SEPTIN9: variants seen among roughly 807,000 people sequenced by gnomAD.
The protein encoded by SEPTIN9 is septin-9.
In SEPTIN9, 13 loss-of-function variants were observed where a neutral mutation model predicts 56.6. The observed-to-expected ratio is 0.23, with a 90% CI of 0.15 to 0.37. SEPTIN9 has a LOEUF of 0.37. SEPTIN9 is among the 10% of genes least tolerant of loss of function. SEPTIN9 has a pLI of 1.00. For missense variants in SEPTIN9, 650 were observed against 823.1 expected (o/e 0.79, Z 2.57); for synonymous variants, 332 against 334.1 (o/e 0.99, Z 0.07).
chr17:77,293,138 T>C (rs1185250415), intron 1 of SEPTIN9, among the ~76,000 whole-genome samples: 1 of 152,048 alleles, frequency 6.6e-6, no homozygotes, highest in Non-Finnish European at 1.5e-5. Flanking sequence ...CTTCTCAGCC[T>C]CCCAAGTAGC....
At chr17:77,469,645 G>A (rs565677811) in intron 3 of SEPTIN9, 1 of 152,402 alleles carries the variant, frequency 6.6e-6, no homozygotes, top group South Asian at 2.1e-4. Flanking sequence ...CTATCTCAAG[G>A]TGTGACCAGG....
chr17:77,375,628 A>G (rs2034892797), intron 2 of SEPTIN9: 1 of 152,212 alleles, frequency 6.6e-6, no homozygotes, highest in Non-Finnish European at 1.5e-5. Flanking sequence ...CATTGAGACC[A>G]TCCTGGTGCA....
intron 1 of SEPTIN9, among the ~76,000 whole-genome samples, chr17:77,296,858 GA>G (rs944858913): frequency 6.6e-6 from 1 of 150,764 alleles, no homozygotes; most frequent in African/African-American, 2.4e-5. Context: ...ATCTCAAAAA[GA>G]AAAAAAAGAT....
chr17:77,419,381 G>A (rs569975569), intron 3 of SEPTIN9, among the ~76,000 whole-genome samples: 1 of 152,132 alleles, frequency 6.6e-6, no homozygotes, highest in Admixed American at 6.5e-5. Context: ...CAGGGACCCC[G>A]GCGCTGTACC....
intron 2 of SEPTIN9, among the ~76,000 whole-genome samples, chr17:77,382,995 C>G (rs1298097557): frequency 6.6e-6 from 1 of 152,112 alleles, no homozygotes; most frequent in Admixed American, 6.5e-5. Flanking sequence ...AACTCTTTCT[C>G]CAGCCCTGGC....
chr17:77,290,726 A>G (rs1476900332), intron 1 of SEPTIN9, among the ~76,000 whole-genome samples: 4 of 148,774 alleles, frequency 2.7e-5, no homozygotes, highest in African/African-American at 9.8e-5. Flanking sequence ...GAGGCAGGAG[A>G]ATGGCATGAA....
intron 2 of SEPTIN9, among the ~76,000 whole-genome samples, chr17:77,347,013 T>A (rs765376746): frequency 2.1e-4 from 32 of 152,126 alleles, no homozygotes; most frequent in Non-Finnish European, 4.4e-4. Flanking sequence ...AGCACTACAA[T>A]CTGTTTATAA....
chr17:77,424,547 A>AG (rs2036826862), intron 3 of SEPTIN9, among the ~76,000 whole-genome samples: 1 of 152,144 alleles, frequency 6.6e-6, no homozygotes, highest in South Asian at 2.1e-4. Flanking sequence ...GTACCCCTTG[A>AG]GGGTAGCATG....
In SEPTIN9 at chr17:77,317,693, A is replaced by AAC. The variant is rs1214735639; in HGVS notation, c.76+10497_76+10498dup. On this transcript the variant is annotated intron_variant, in intron 2 of 11. Coordinates refer to ENST00000427177, the MANE Select transcript of SEPTIN9 (RefSeq NM_001113491.2). The surrounding 1 kb of genome is among the most constrained non-coding windows in gnomAD (Gnocchi z 4.2). ...TAGAAATAAAGTGCACAATCAATAC[A>AAC]ACGTGCTTGTGGCCGGGTGCAGTGG... 1.3e-5 allele frequency among the ~76,000 whole-genome samples: 2 copies of AAC among 152,166 alleles called. No homozygotes were observed. Among genetic ancestry groups the AAC allele is most frequent in the African/African-American group, 2.4e-5 (1 of 41,424 alleles).
rs186956667 is a variant in SEPTIN9 at position 77,313,116 on chromosome 17, G to A, written c.76+5919G>A. On this transcript the variant is annotated intron_variant, in intron 2 of 11. Coordinates refer to ENST00000427177, the MANE Select transcript of SEPTIN9 (RefSeq NM_001113491.2). The surrounding 1 kb of genome is among the most constrained non-coding windows in gnomAD (Gnocchi z 4.5). ...CCCGCTCTCGGGGGAGTCTTCCGTT[G>A]GCTGCAGAGAAGCTTAAACTCAGGG... Among the ~76,000 whole-genome samples the A allele has an allele frequency of 2.6e-4, 40 of 152,328 alleles. No individual in the cohort carries two copies. The highest frequency in any genetic ancestry group is 4.3e-4 in the Non-Finnish European group (29 of 68,022).
intron 1 of SEPTIN9, among the ~76,000 whole-genome samples, chr17:77,293,146 A>G (rs1053576585): frequency 3.9e-5 from 6 of 151,910 alleles, no homozygotes; most frequent in Admixed American, 3.3e-4. Flanking sequence ...CCTCCCAAGT[A>G]GCTCGGACTA....
intron 2 of SEPTIN9, among the ~76,000 whole-genome samples, chr17:77,362,759 C>T (rs535307621): frequency 6.6e-6 from 1 of 152,238 alleles, no homozygotes; most frequent in Admixed American, 6.5e-5. Context: ...CACACTAACT[C>T]AGTAAGGCCT....
chr17:77,355,993 A>AAAAAAAAAAAAAAAAAAG (rs2034223482), intron 2 of SEPTIN9, among the ~76,000 whole-genome samples: 1 of 150,668 alleles, frequency 6.6e-6, no homozygotes, highest in Non-Finnish European at 1.5e-5. Context: ...AAAAAAAAAA[A>AAAAAAAAAAAAAAAAAAG]AAAATGAAGT....
rs1598312965 is a variant in SEPTIN9 at position 77,400,508 on chromosome 17, G to A, written c.77-1551G>A. 1 of 152,188 alleles carries A rather than the reference G, an allele frequency of 6.6e-6. No individual in the cohort carries two copies. Among genetic ancestry groups the A allele is most frequent in the East Asian group, 1.9e-4 (1 of 5,176 alleles). 9.4% of individuals were successfully genotyped at this position (152,188 alleles called of 1,614,324 possible). ...CAGGAGTGCCTTGCCCAGGAAGCTG[G>A]CAGCTGAGGCGGCCAGGGTTAGGGG... is the stretch of plus-strand genomic sequence containing the variant. On this transcript the variant is annotated intron_variant, in intron 2 of 11. Transcript: ENST00000427177. This position sits in a 1 kb window ranked among gnomAD's most constrained non-coding sequence, Gnocchi z 4.1.
At chr17:77,416,959 C>T (rs535059221) in intron 3 of SEPTIN9, among the ~76,000 whole-genome samples, 1 of 152,256 alleles carries the variant, frequency 6.6e-6, no homozygotes, top group African/African-American at 2.4e-5. Context: ...GTTTCCTCAT[C>T]TGTACAATGA....
chr17:77,440,232 G>A (rs1047295743), intron 3 of SEPTIN9, among the ~76,000 whole-genome samples: 1 of 152,034 alleles, frequency 6.6e-6, no homozygotes, highest in African/African-American at 2.4e-5. Flanking sequence ...TTGGCTCACT[G>A]CAACCTCCAC....
In SEPTIN9 at chr17:77,372,038, G is replaced by A. The variant is rs1431079700; in HGVS notation, c.77-30021G>A. ...GGGGAGGGGCAAGTGGGCAGCGAGC[G>A]ACCTCAGACCCAGGATGAGCTGTCA... is the stretch of plus-strand genomic sequence containing the variant. On this transcript the variant is annotated intron_variant, in intron 2 of 11. Coordinates refer to ENST00000427177, the MANE Select transcript of SEPTIN9 (RefSeq NM_001113491.2). 2.6e-5 allele frequency among the ~76,000 whole-genome samples: 4 copies of A among 152,178 alleles called. No homozygotes were observed. In the South Asian group the frequency reaches 6.2e-4, roughly 24 times the overall value.
At chr17:77,498,502 G>A (rs748889879) in intron 11 of SEPTIN9, 21 bp from the exon 12 acceptor site, 6 of 156,936 alleles carry the variant, frequency 3.8e-5, no homozygotes, top group Middle Eastern at 2.3e-3. Flanking sequence ...TCACTGACCC[G>A]CCCGCCCCCC....
rs1426724150 is a variant in SEPTIN9 at position 77,445,216 on chromosome 17, C to A, written c.722-36928C>A. The A allele has an allele frequency of 8.5e-6, 4 of 470,920 alleles. No homozygotes were observed. Among genetic ancestry groups the A allele is most frequent in the Non-Finnish European group, 1.8e-5 (4 of 227,050 alleles). 29.2% of individuals were successfully genotyped at this position (470,920 alleles called of 1,614,324 possible). The stretch of plus-strand genomic sequence containing the variant: ...GTCTGTGGGTAGAAATGTGGGCTGC[C>A]TCGGGGCGTCACAGCTACAAATGCA... On this transcript the variant is annotated intron_variant, in intron 3 of 11. Coordinates refer to ENST00000427177, the MANE Select transcript of SEPTIN9 (RefSeq NM_001113491.2). The surrounding 1 kb of genome is among the most constrained non-coding windows in gnomAD (Gnocchi z 4.7).
Sources: allele counts gnomAD v4.1 joint callset (sites outside exome capture counted in the v4.1 genomes callset), GRCh38; gene constraint gnomAD v4.1.1; non-coding constraint Gnocchi (gnomAD v3.1); transcripts MANE v1.5; gene names NCBI Gene and HGNC (gene_info 2026-07-23, HGNC 2026-07-21).